Variants in ERCC5 observed in about 807,000 individuals in gnomAD.
ERCC5 encodes the protein DNA excision repair protein ERCC-5.
In ERCC5, 68 loss-of-function variants were observed where a neutral mutation model predicts 105.6. The observed-to-expected ratio is 0.64, with a 90% confidence interval of 0.53 to 0.79. The LOEUF is 0.79. Among genes scored for constraint, ERCC5 ranks in the 30% least tolerant of loss-of-function variants. ERCC5 has a pLI of 0.00. For missense variants in ERCC5, 1,373 were observed against 1,426.7 expected (o/e 0.96, Z 0.61); for synonymous variants, 546 against 526.2 (o/e 1.04, Z -0.51).
chr13:102,856,540 T>C (rs1882427601), intron 5 of ERCC5, among the ~76,000 whole-genome samples: 1 of 152,268 alleles, frequency 6.6e-6, no homozygotes, highest in Non-Finnish European at 1.5e-5. Context: ...TGTGTACATA[T>C]ATATGTGTAC....
intron 1 of ERCC5, among the ~76,000 whole-genome samples, chr13:102,848,470 T>G (rs1882066844): frequency 6.6e-6 from 1 of 152,244 alleles, no homozygotes; most frequent in Admixed American, 6.5e-5. Context: ...CTTTTGTCTC[T>G]TATAGATTTT....
chr13:102,875,226 A>G, intron 14 of ERCC5, 81 bp from the exon 15 acceptor site: 1 of 1,469,052 alleles, frequency 6.8e-7, no homozygotes, highest in Non-Finnish European at 9.4e-7. Flanking sequence ...GTGAGTGATC[A>G]AGGTTGAGCT....
chr13:102,869,642 CTTT>C (rs2140535860), intron 12 of ERCC5, among the ~76,000 whole-genome samples: 1 of 152,220 alleles, frequency 6.6e-6, no homozygotes, highest in South Asian at 2.1e-4. Flanking sequence ...CAGGTAGTAT[CTTT>C]TTGCGTCTAT....
At chr13:102,847,297 A>ATTTTTTTTTTTTTTT (rs35223521) in intron 1 of ERCC5, among the ~76,000 whole-genome samples, 2 of 139,446 alleles carry the variant, frequency 1.4e-5, no homozygotes, top group Non-Finnish European at 1.6e-5. Flanking sequence ...TTATGTAGTC[A>ATTTTTTTTTTTTTTT]TTTTTTTTTT....
intron 2 of ERCC5, among the ~76,000 whole-genome samples, 183 bp from the exon 3 acceptor site, chr13:102,853,572 ACT>A (rs144969030): frequency 0.018 from 2,711 of 152,300 alleles, 32 homozygotes; most frequent in Middle Eastern, 0.051. Context: ...ATAGATGGAA[ACT>A]CTGGGTGTCC....
At position 102,866,646 on chromosome 13, in the gene ERCC5, G is replaced by T; in HGVS notation, c.2334G>T (p.Leu778=). 1 of 1,613,528 alleles carries T rather than the reference G, an allele frequency of 6.2e-7. No individual in the cohort carries two copies. ...TCACTCTGCAGGAACTCCTGCGCCT[G>T]TTCGGCATTCCCTACATCCAGGCTC... ...MFLESQELLR[L]FGIPYIQAPM... The change falls in exon 11 of 15, where the codon CTG becomes CTT. Residue 778 remains leucine, a synonymous_variant. Coordinates refer to ENST00000652225, the MANE Select transcript of ERCC5 (RefSeq NM_000123.4).
chr13:102,846,468 CG>C (rs1428970110), intron 1 of ERCC5, 114 bp downstream of exon 1: 10 of 910,584 alleles, frequency 1.1e-5, no homozygotes, highest in African/African-American at 1.6e-5. Context: ...GGGTCGGGGT[CG>C]GGGTCGCTAT....
rs755005008 is a variant in ERCC5 at position 102,875,931 on chromosome 13, G to A, written c.*28G>A. The A allele has an allele frequency of 2.5e-6, 4 of 1,597,248 alleles. No homozygotes were observed. Among genetic ancestry groups the A allele is most frequent in the Non-Finnish European group, 3.4e-6 (4 of 1,177,834 alleles). ...AAAAAATATGTATCCTCTATAATTA[G>A]TTATGACAGCCATTTGTAATGAATT... On this transcript the variant is annotated 3_prime_UTR_variant, in exon 15 of 15. Coordinates refer to ENST00000652225, the MANE Select transcript of ERCC5 (RefSeq NM_000123.4).
intron 7 of ERCC5, 29 bp from the exon 8 acceptor site, chr13:102,862,001 T>C (rs1566468288): frequency 6.2e-7 from 1 of 1,612,284 alleles, no homozygotes. Context: ...TAAAACTGAA[T>C]GGTGAGAAGT....
At chr13:102,856,817 C>T (rs4150288) in intron 5 of ERCC5, among the ~76,000 whole-genome samples, 4,759 of 152,296 alleles carry the variant, frequency 0.031, 254 homozygotes, top group African/African-American at 0.11. Flanking sequence ...GGCCTCTCCA[C>T]GTGGCCTGGG....
chr13:102,864,333 T>C (rs1882757117), intron 8 of ERCC5, among the ~76,000 whole-genome samples: 1 of 152,178 alleles, frequency 6.6e-6, no homozygotes, highest in African/African-American at 2.4e-5. Flanking sequence ...CCTGAATAAT[T>C]TGTTACTACG....
intron 12 of ERCC5, among the ~76,000 whole-genome samples, chr13:102,871,016 ACT>A (rs1883012511): frequency 6.6e-6 from 1 of 152,198 alleles, no homozygotes; most frequent in Non-Finnish European, 1.5e-5. Context: ...AGCAGTAGTC[ACT>A]GATTTTGCTC....
intron 2 of ERCC5, among the ~76,000 whole-genome samples, chr13:102,853,070 G>A (rs1264125965): frequency 1.3e-5 from 2 of 152,262 alleles, no homozygotes; most frequent in East Asian, 3.9e-4. Flanking sequence ...TAAAAGTAAG[G>A]ATATAGGATA....
chr13:102,849,314 GT>G, intron 1 of ERCC5: 1 of 518,866 alleles, frequency 1.9e-6, no homozygotes, highest in South Asian at 1.4e-5. Context: ...GTTCATCAAA[GT>G]TATCCTTAAA....
At chr13:102,858,150 G>A in intron 5 of ERCC5, 125 bp from the exon 6 acceptor site, 7 of 1,375,130 alleles carry the variant, frequency 5.1e-6, no homozygotes, top group Non-Finnish European at 5.0e-6. Flanking sequence ...ATGCAACTGT[G>A]TTTAGCCAAT....
intron 14 of ERCC5, among the ~76,000 whole-genome samples, chr13:102,874,094 C>T (rs992995602): frequency 6.6e-6 from 1 of 152,016 alleles, no homozygotes; most frequent in Non-Finnish European, 1.5e-5. Flanking sequence ...CATTATAAAC[C>T]AACCAAAAAG....
At position 102,856,110 on chromosome 13, in the gene ERCC5, C is replaced by T. The variant is rs121434573; in HGVS notation, c.526C>T (p.Gln176Ter). 1.2e-6 allele frequency: 2 copies of T among 1,612,878 alleles called. No homozygotes were observed. The highest frequency in any genetic ancestry group is 1.7e-6 in the Non-Finnish European group (2 of 1,179,114). ...QERMNQKQAL[Q>*]EEFFHNPQAI... Reference sequence around the variant, plus strand: ...AAGAATGAATCAAAAACAAGCATTACAGGTATTTAGATCATTTTTGAATTC... The same window carrying T: ...AAGAATGAATCAAAAACAAGCATTATAGGTATTTAGATCATTTTTGAATTC... The change falls in exon 5 of 15, where the codon CAG becomes TAG. Residue 176 changes from glutamine (Q) to a stop codon, truncating the protein, a stop_gained and splice_region_variant. Coordinates refer to ENST00000652225, the MANE Select transcript of ERCC5 (RefSeq NM_000123.4). LOFTEE classifies it high-confidence loss of function.
At chr13:102,874,448 A>G (rs1034377333) in intron 14 of ERCC5, among the ~76,000 whole-genome samples, 1 of 152,196 alleles carries the variant, frequency 6.6e-6, no homozygotes, top group African/African-American at 2.4e-5. Flanking sequence ...TAATTAGTTC[A>G]GTTTACTTGT....
At chr13:102,846,758 T>G (rs1188502234) in intron 1 of ERCC5, among the ~76,000 whole-genome samples, 1 of 152,066 alleles carries the variant, frequency 6.6e-6, no homozygotes, top group Non-Finnish European at 1.5e-5. Context: ...TTATTTATTT[T>G]TTTCCATCGC....
Sources: gnomAD v4.1 joint callset for allele counts (sites outside exome capture counted in the v4.1 genomes callset) on GRCh38, gnomAD v4.1.1 for gene constraint, MANE v1.5 for transcripts, NCBI Gene and HGNC (gene_info 2026-07-23, HGNC 2026-07-21) for gene names.